The following NEK1 variants were observed in gnomAD, a reference collection of about 807,000 sequenced individuals.
NEK1 encodes NIMA related kinase 1, also known as serine/threonine-protein kinase Nek1.
In NEK1, 137 loss-of-function variants were observed where a neutral mutation model predicts 182.1. The ratio of observed to expected loss-of-function variants is 0.75; its 90% confidence interval spans 0.65 to 0.87. The LOEUF is 0.87. Among genes scored for constraint, NEK1 ranks in the 40% least tolerant of loss-of-function variants. The pLI, the probability that NEK1 is intolerant of heterozygous loss-of-function variation, is 0.00. For missense variants in NEK1, 1,391 were observed against 1,494.4 expected (o/e 0.93, Z 1.14); for synonymous variants, 513 against 492.2 (o/e 1.04, Z -0.56).
chr4:169,452,848 C>CA (rs1423604972), intron 27 of NEK1, among the ~76,000 whole-genome samples: 3 of 152,150 alleles, frequency 2.0e-5, no homozygotes, highest in Non-Finnish European at 2.9e-5. Context: ...AAAGAGTATT[C>CA]AGTTAGGAAA....
chr4:169,531,570 TAAGC>T (rs1319163755), intron 19 of NEK1, among the ~76,000 whole-genome samples: 2 of 151,960 alleles, frequency 1.3e-5, no homozygotes, highest in Non-Finnish European at 2.9e-5. Context: ...GAAACTTTCT[TAAGC>T]AGATAAGTGA....
At chr4:169,473,408 C>T (rs970045535) in intron 26 of NEK1, among the ~76,000 whole-genome samples, 17 of 151,976 alleles carry the variant, frequency 1.1e-4, no homozygotes, top group African/African-American at 4.1e-4. Context: ...GTACCAATAC[C>T]AATTACCTAT....
chr4:169,406,443 C>T (rs1056665602), intron 32 of NEK1, among the ~76,000 whole-genome samples, 153 bp downstream of exon 32: 4 of 148,804 alleles, frequency 2.7e-5, no homozygotes, highest in Non-Finnish European at 5.9e-5. Context: ...CAGAGTGAGA[C>T]CCTGTCTCTT....
intron 18 of NEK1, among the ~76,000 whole-genome samples, chr4:169,544,570 G>C (rs1429746722): frequency 7.0e-6 from 1 of 142,488 alleles, no homozygotes; most frequent in African/African-American, 2.5e-5. Flanking sequence ...ATCTCTGGTA[G>C]AATTCGGCTG....
At chr4:169,570,940 C>T (rs536336201) in intron 12 of NEK1, among the ~76,000 whole-genome samples, 1 of 151,986 alleles carries the variant, frequency 6.6e-6, no homozygotes, top group Non-Finnish European at 1.5e-5. Context: ...GGATTAAGGG[C>T]GGTGCAAGAT....
At chr4:169,433,772 T>A in intron 28 of NEK1, 107 bp from the exon 29 acceptor site, 1 of 1,096,448 alleles carries the variant, frequency 9.1e-7, no homozygotes, top group Admixed American at 2.6e-5. Flanking sequence ...GGTAATATAT[T>A]CATTAAAACA....
In NEK1 at chr4:169,587,539, T is replaced by C; in HGVS notation, c.606+20A>G. On this transcript the variant is annotated intron_variant, in intron 9 of 35. Transcript: ENST00000507142. ...GCTTTTTAACATAACTTTGAAAGTA[T>C]TTCAGAAACTTCTACTTACAGCATG... The C allele has an allele frequency of 7.3e-7, 1 of 1,367,620 alleles. No homozygotes were observed. Among genetic ancestry groups the C allele is most frequent in the Non-Finnish European group, 9.9e-7 (1 of 1,011,972 alleles). 84.7% of individuals were successfully genotyped at this position (1,367,620 alleles called of 1,614,324 possible).
intron 31 of NEK1, among the ~76,000 whole-genome samples, chr4:169,415,642 G>A (rs1472069072): frequency 6.6e-6 from 1 of 152,142 alleles, no homozygotes; most frequent in Admixed American, 6.5e-5. Context: ...CAAATATGTA[G>A]TATAAAAGGA....
At chr4:169,578,255 GAGTCTACAT>G (rs1766032448) in intron 11 of NEK1, among the ~76,000 whole-genome samples, 1 of 151,974 alleles carries the variant, frequency 6.6e-6, no homozygotes, top group African/African-American at 2.4e-5. Context: ...AGTCAGAGTA[GAGTCTACAT>G]AAACCCTTAT....
At chr4:169,508,121 T>G in intron 21 of NEK1, 127 bp downstream of exon 21, 3 of 775,152 alleles carry the variant, frequency 3.9e-6, no homozygotes, top group Non-Finnish European at 6.1e-6. Flanking sequence ...AGTTTTTTGA[T>G]CTTTGAACTT....
chr4:169,456,054 A>T (rs149459812), intron 27 of NEK1, among the ~76,000 whole-genome samples: 1 of 152,304 alleles, frequency 6.6e-6, no homozygotes, highest in Non-Finnish European at 1.5e-5. Context: ...CATCAATAAC[A>T]AGAGGAATTT....
At chr4:169,412,542 T>C (rs1733847866) in intron 31 of NEK1, among the ~76,000 whole-genome samples, 1 of 152,188 alleles carries the variant, frequency 6.6e-6, no homozygotes, top group African/African-American at 2.4e-5. Flanking sequence ...TTGGACTTCT[T>C]TGGCCTGCCT....
At chr4:169,561,977 G>A in intron 13 of NEK1, 86 bp from the exon 14 acceptor site, 1 of 1,201,918 alleles carries the variant, frequency 8.3e-7, no homozygotes, top group Admixed American at 2.6e-5. Context: ...CAATGGCAGA[G>A]GTATGTTCAA....
intron 32 of NEK1, among the ~76,000 whole-genome samples, chr4:169,404,542 A>C (rs1732247000): frequency 6.6e-6 from 1 of 152,134 alleles, no homozygotes; most frequent in Non-Finnish European, 1.5e-5. Flanking sequence ...GTTCTTTCCA[A>C]AGGTAAAAGT....
intron 27 of NEK1, among the ~76,000 whole-genome samples, chr4:169,446,903 C>CA (rs1324203548): frequency 6.6e-6 from 1 of 151,568 alleles, no homozygotes; most frequent in Non-Finnish European, 1.5e-5. Context: ...TCAGAGGAGA[C>CA]AAAAAACAAA....
intron 5 of NEK1, among the ~76,000 whole-genome samples, chr4:169,598,076 C>T (rs1288246206): frequency 6.6e-6 from 1 of 152,084 alleles, no homozygotes; most frequent in East Asian, 1.9e-4. Context: ...CAGTGGTAAT[C>T]TCAGGAACAA....
At chr4:169,452,589 G>A (rs1172109771) in intron 27 of NEK1, among the ~76,000 whole-genome samples, 7 of 152,096 alleles carry the variant, frequency 4.6e-5, no homozygotes, top group Admixed American at 1.3e-4. Context: ...TAGATGCAGA[G>A]AAGGCCTTCA....
chr4:169,496,388 C>G (rs1288605395), intron 23 of NEK1, among the ~76,000 whole-genome samples: 1 of 150,962 alleles, frequency 6.6e-6, no homozygotes, highest in Non-Finnish European at 1.5e-5. Context: ...AATTGAATAC[C>G]CTTTATTTCC....
chr4:169,541,144 G>C (rs988122425), intron 18 of NEK1, among the ~76,000 whole-genome samples: 1 of 152,024 alleles, frequency 6.6e-6, no homozygotes, highest in African/African-American at 2.4e-5. Context: ...GAGATGGGGT[G>C]GTACAGGATT....
Sources: gnomAD v4.1 joint callset for allele counts (sites outside exome capture counted in the v4.1 genomes callset) on GRCh38, gnomAD v4.1.1 for gene constraint, MANE v1.5 for transcripts, NCBI Gene and HGNC (gene_info 2026-07-23, HGNC 2026-07-21) for gene names.